The following ACAD9 variants were observed in gnomAD, a reference collection of about 807,000 sequenced individuals.
ACAD9 encodes the protein complex I assembly factor ACAD9, mitochondrial.
Under a neutral mutation model 70.2 loss-of-function variants are expected in ACAD9, and 53 were observed. That is an observed-to-expected ratio of 0.75 (90% CI 0.61 to 0.95). ACAD9 has a LOEUF of 0.95. Among genes scored for constraint, ACAD9 ranks in the 40% least tolerant of loss-of-function variants. The pLI is 0.00. For missense variants in ACAD9, 777 were observed against 802.8 expected, an observed-to-expected ratio of 0.97 and a Z score of 0.39; for synonymous variants, 313 against 312.1, an observed-to-expected ratio of 1.00 and a Z score of -0.03.
intron 17 of ACAD9, among the ~76,000 whole-genome samples, chr3:128,911,547 T>C (rs1398129805): frequency 6.6e-6 from 1 of 152,164 alleles, no homozygotes; most frequent in Non-Finnish European, 1.5e-5. Flanking sequence ...AAGCAACTCC[T>C]GTGCCTCAGC....
intron 3 of ACAD9, among the ~76,000 whole-genome samples, chr3:128,894,792 C>T (rs1408689125): frequency 6.6e-6 from 1 of 152,062 alleles, no homozygotes; most frequent in African/African-American, 2.4e-5. Flanking sequence ...ACCTCAGCCT[C>T]CCAAAGCGCC....
rs1284494331 is a variant in ACAD9 at position 128,904,482 on chromosome 3, T to C, written c.1126T>C (p.Ser376Pro). The change falls in exon 11 of 18, where the codon TCC becomes CCC. Residue 376 changes from serine to proline, a missense_variant. By Grantham distance (74) the Ser-to-Pro change is moderately conservative (BLOSUM62 -1). Coordinates refer to ENST00000308982, the MANE Select transcript of ACAD9 (RefSeq NM_014049.5). ...MLDQPGFPDC[S>P]IEAAMVKVFS... Reference sequence around the variant, plus strand: ...GGACCAACCTGGCTTTCCCGACTGCTCCATCGAGGCAGCCATGGTGAAGGT... The same window carrying C: ...GGACCAACCTGGCTTTCCCGACTGCCCCATCGAGGCAGCCATGGTGAAGGT... 2 of 1,614,000 alleles carry C rather than the reference T, an allele frequency of 1.2e-6. No homozygotes were observed. The highest frequency in any genetic ancestry group is 2.7e-5 in the African/African-American group (2 of 74,924).
intron 9 of ACAD9, among the ~76,000 whole-genome samples, chr3:128,903,301 A>T (rs752151944): frequency 1.3e-5 from 2 of 152,066 alleles, no homozygotes; most frequent in Non-Finnish European, 2.9e-5. Context: ...CATTTTAGAG[A>T]TGAGAAGACA....
chr3:128,903,658 G>A (rs894701537), intron 9 of ACAD9, among the ~76,000 whole-genome samples: 6 of 152,236 alleles, frequency 3.9e-5, no homozygotes, highest in Middle Eastern at 3.2e-3. Context: ...GTCACTGCAC[G>A]GGGTGTGAGC....
At chr3:128,908,874 A>G (rs1368603215) in intron 13 of ACAD9, 99 bp from the exon 14 acceptor site, 1 of 1,589,858 alleles carries the variant, frequency 6.3e-7, no homozygotes, top group Non-Finnish European at 8.6e-7. Flanking sequence ...CCCAGGCCAG[A>G]GGGGGGCACG....
intron 17 of ACAD9, among the ~76,000 whole-genome samples, chr3:128,911,719 G>A (rs1456646208): frequency 6.6e-6 from 1 of 152,256 alleles, no homozygotes; most frequent in Non-Finnish European, 1.5e-5. Flanking sequence ...TGGGATTACA[G>A]GCATGAGCCA....
rs1935198953 is a variant in ACAD9, at chr3:128,884,749, A to G, written c.244+3A>G. ...GGAAAAATTCTTCACTGAAGAGGGT[A>G]TGTATGGTTTTCTTTACCATTGCCG... On this transcript the variant is annotated splice_donor_region_variant and intron_variant, in intron 2 of 17. Coordinates refer to ENST00000308982, the MANE Select transcript of ACAD9 (RefSeq NM_014049.5). The G allele has an allele frequency of 3.7e-6, 6 of 1,608,604 alleles. No individual in the cohort carries two copies. In the South Asian group the frequency reaches 6.6e-5, roughly 18 times the overall value.
intron 5 of ACAD9, among the ~76,000 whole-genome samples, chr3:128,897,119 G>T (rs1004690158): frequency 1.3e-5 from 2 of 152,168 alleles, no homozygotes; most frequent in Admixed American, 1.3e-4. Flanking sequence ...TTTCACTGCC[G>T]CTTTTTTACG....
chr3:128,908,932 G>A (rs1199521923), intron 13 of ACAD9, 41 bp from the exon 14 acceptor site: 1 of 1,613,676 alleles, frequency 6.2e-7, no homozygotes, highest in East Asian at 2.2e-5. Flanking sequence ...GTGAGCGCCA[G>A]CAGCGAGGCC....
chr3:128,900,613 T>G (rs1311779041), intron 7 of ACAD9, among the ~76,000 whole-genome samples: 2 of 151,260 alleles, frequency 1.3e-5, no homozygotes, highest in Non-Finnish European at 2.9e-5. Context: ...TCTTCCTGCC[T>G]CTGCCTCCCA....
intron 15 of ACAD9, 67 bp downstream of exon 15, chr3:128,909,488 CT>C (rs1020082790): frequency 2.0e-6 from 3 of 1,500,540 alleles, no homozygotes; most frequent in Non-Finnish European, 2.8e-6. Flanking sequence ...CATGAGACTA[CT>C]TTTTGTCAAG....
intron 3 of ACAD9, 67 bp from the exon 4 acceptor site, chr3:128,895,243 G>A (rs1401523666): frequency 8.3e-6 from 10 of 1,208,134 alleles, no homozygotes; most frequent in Non-Finnish European, 1.2e-5. Context: ...AAAAAAAAAA[G>A]CCAATGAAGC....
At chr3:128,883,396 C>T (rs1377338955) in intron 1 of ACAD9, among the ~76,000 whole-genome samples, 1 of 151,646 alleles carries the variant, frequency 6.6e-6, no homozygotes, top group Non-Finnish European at 1.5e-5. Context: ...CTCACTCTGT[C>T]ACCTAGGCTG....
rs562371111 is a variant in ACAD9 at position 128,889,523 on chromosome 3, T to G, written c.245-4032T>G. Reference sequence around the variant, plus strand: ...TACTCATTACCCGTCAAAGTTTCCTTGTGCCTCTTTTATTTCCCCCCTGTT... The same window carrying G: ...TACTCATTACCCGTCAAAGTTTCCTGGTGCCTCTTTTATTTCCCCCCTGTT... On this transcript the variant is annotated intron_variant, in intron 2 of 17. Transcript: ENST00000308982. Among the ~76,000 whole-genome samples, 22 of 152,366 alleles carry G rather than the reference T, an allele frequency of 1.4e-4. No homozygotes were observed. The South Asian group carries it at 2.3e-3, about 16-fold the overall frequency.
intron 11 of ACAD9, 97 bp downstream of exon 11, chr3:128,904,602 C>A: frequency 6.5e-7 from 1 of 1,529,528 alleles, no homozygotes; most frequent in Non-Finnish European, 8.8e-7. Flanking sequence ...CTGTCATCTT[C>A]CTCCTGTCAT....
chr3:128,901,813 TCACA>T (rs1048536022), intron 8 of ACAD9, among the ~76,000 whole-genome samples: 66 of 152,372 alleles, frequency 4.3e-4, no homozygotes, highest in African/African-American at 1.6e-3. Context: ...TTCAAATATC[TCACA>T]CAGAACATTT....
chr3:128,900,673 C>T (rs943970305), intron 7 of ACAD9, among the ~76,000 whole-genome samples: 4 of 152,048 alleles, frequency 2.6e-5, no homozygotes, highest in Admixed American at 2.6e-4. Flanking sequence ...GACCCTAAAA[C>T]ACATTTAAGG....
At chr3:128,895,924 A>G (rs886570784) in intron 4 of ACAD9, among the ~76,000 whole-genome samples, 1 of 152,208 alleles carries the variant, frequency 6.6e-6, no homozygotes, top group East Asian at 1.9e-4. Context: ...CACCCCAGAG[A>G]GCGCACACAT....
chr3:128,903,998 T>C (rs1400393448), intron 9 of ACAD9, 64 bp from the exon 10 acceptor site: 1 of 1,550,270 alleles, frequency 6.5e-7, no homozygotes, highest in East Asian at 2.3e-5. Flanking sequence ...ATGATGGCCA[T>C]AGGAAATCAT....
Sources: allele counts gnomAD v4.1 joint callset (sites outside exome capture counted in the v4.1 genomes callset), GRCh38; gene constraint gnomAD v4.1.1; transcripts MANE v1.5; gene names NCBI Gene and HGNC (gene_info 2026-07-23, HGNC 2026-07-21).